CPS1: variants seen among roughly 807,000 people sequenced by gnomAD.
CPS1 encodes carbamoyl-phosphate synthase [ammonia], mitochondrial.
A neutral mutation model predicts 174.6 loss-of-function variants in CPS1; 109 were observed. The observed-to-expected ratio is 0.62, with a 90% CI of 0.53 to 0.73. The LOEUF (loss-of-function observed/expected upper bound fraction) is 0.73, where lower values mean the gene tolerates loss of function less well. Ranked by LOEUF, CPS1 falls within the 30% of genes least tolerant of loss-of-function variation. The pLI is 0.00. For synonymous variants in CPS1, 637 were observed against 632.0 expected (o/e 1.01, Z -0.12); for missense variants, 1,689 against 1,821.9 (o/e 0.93, Z 1.33).
chr2:210,654,911 C>T (rs1429210984), intron 29 of CPS1, among the ~76,000 whole-genome samples: 2 of 152,168 alleles, frequency 1.3e-5, no homozygotes, highest in Non-Finnish European at 1.5e-5. Context: ...AACAGAATCA[C>T]ATAATCTTGA....
rs370667051 is a variant in CPS1, at chr2:210,497,493, C to T, written c.3+19727C>T. On this transcript the variant is annotated intron_variant, in intron 1 of 38. Coordinates refer to the CPS1 transcript ENST00000430249. Reference sequence around the variant, plus strand: ...GTTTGGGATACAAATGATCCCATCTCCCAGATACTAAGCATAGTACCCAAC... The same window carrying T: ...GTTTGGGATACAAATGATCCCATCTTCCAGATACTAAGCATAGTACCCAAC... Among the ~76,000 whole-genome samples, 3 of 152,132 alleles carry T rather than the reference C, an allele frequency of 2.0e-5. No individual in the cohort carries two copies. The South Asian group carries it at 6.2e-4, about 32-fold the overall frequency.
At chr2:210,658,722 C>T (rs763073118) in intron 31 of CPS1, 34 bp downstream of exon 31, 2 of 1,455,866 alleles carry the variant, frequency 1.4e-6, no homozygotes, top group South Asian at 2.3e-5. Context: ...GAGGACACCA[C>T]CACTGTGTTA....
chr2:210,584,525 G>A (rs1698041465), intron 6 of CPS1, among the ~76,000 whole-genome samples: 2 of 151,882 alleles, frequency 1.3e-5, no homozygotes, highest in South Asian at 4.2e-4. Context: ...ACACTTTTTT[G>A]CCCATGATAT....
intron 1 of CPS1, among the ~76,000 whole-genome samples, chr2:210,491,310 T>C (rs1478550035): frequency 7.3e-4 from 13 of 17,788 alleles, no homozygotes; most frequent in Non-Finnish European, 4.0e-3. Context: ...TATCTGTGTT[T>C]TTTTTTTTTT....
intron 1 of CPS1, among the ~76,000 whole-genome samples, chr2:210,545,159 G>T (rs1479826231): frequency 6.6e-6 from 1 of 152,072 alleles, no homozygotes; most frequent in Non-Finnish European, 1.5e-5. Context: ...ACAAGGCTTT[G>T]TTGACTTGGG....
At chr2:210,484,042 A>G (rs761131459) in intron 1 of CPS1, among the ~76,000 whole-genome samples, 120 of 152,196 alleles carry the variant, frequency 7.9e-4, no homozygotes, top group South Asian at 4.1e-4. Context: ...TGAATAAGCA[A>G]ACAAATGACT....
chr2:210,625,979 C>T (rs573291662), intron 21 of CPS1, among the ~76,000 whole-genome samples: 46 of 152,238 alleles, frequency 3.0e-4, no homozygotes, highest in Admixed American at 2.7e-3. Context: ...GTTGACGCCA[C>T]ACAGTCTTAC....
intron 21 of CPS1, 28 bp downstream of exon 21, chr2:210,616,569 C>A: frequency 7.8e-7 from 1 of 1,279,788 alleles, no homozygotes; most frequent in Non-Finnish European, 1.1e-6. Flanking sequence ...TCATTCATGC[C>A]AGACACCTTC....
rs2105907790 is a variant in CPS1 at position 210,647,860 on chromosome 2, C to T, written c.3142-3C>T. On this transcript the variant is annotated splice_region_variant and splice_polypyrimidine_tract_variant and intron_variant, in intron 25 of 37. Coordinates refer to ENST00000233072, the MANE Select transcript of CPS1 (RefSeq NM_001875.5). ...TGGCTGATATTGTGAGTGTATTTTC[C>T]AGGCATGTGGTGGCTGCATCATATC... 1 of 1,613,812 alleles carries T rather than the reference C, an allele frequency of 6.2e-7. No individual in the cohort carries two copies. Among genetic ancestry groups the T allele is most frequent in the Non-Finnish European group, 8.5e-7 (1 of 1,179,832 alleles).
At chr2:210,577,658 G>A (rs1295247808) in intron 4 of CPS1, 148 bp downstream of exon 4, 2 of 733,360 alleles carry the variant, frequency 2.7e-6, no homozygotes, top group East Asian at 5.2e-5. Context: ...CTACATAAAG[G>A]CTGAAATGTC....
chr2:210,572,386 T>A (rs189482846), intron 1 of CPS1, among the ~76,000 whole-genome samples: 5 of 152,180 alleles, frequency 3.3e-5, no homozygotes, highest in Non-Finnish European at 2.9e-5. Context: ...ATAGAGTTTC[T>A]TAGAGAATCT....
In CPS1 at chr2:210,481,784, T is replaced by C. The variant is rs535946049; in HGVS notation, c.3+4018T>C. 3.9e-5 allele frequency among the ~76,000 whole-genome samples: 6 copies of C among 152,388 alleles called. No individual in the cohort carries two copies. In the East Asian group the frequency reaches 1.2e-3, roughly 29 times the overall value. ...TAGGTGAGTAACTGTAAGTAGAATG[T>C]AGTTCATAAGAAGTGGAGAAGCTGC... On this transcript the variant is annotated intron_variant, in intron 1 of 38. Coordinates refer to the CPS1 transcript ENST00000430249.
chr2:210,604,381 CT>C (rs1204185708), intron 16 of CPS1, among the ~76,000 whole-genome samples: 3 of 151,878 alleles, frequency 2.0e-5, no homozygotes, highest in African/African-American at 7.2e-5. Context: ...TTATCAGCCA[CT>C]GCATGTCCTA....
chr2:210,642,540 C>T lies in CPS1; in HGVS notation c.3016C>T (p.Leu1006Phe). The change falls in exon 25 of 38, where the codon CTT becomes TTT. Residue 1006 changes from leucine (L) to phenylalanine (F), a missense_variant. Physicochemically the swap from Leu to Phe is conservative, Grantham distance 22. Coordinates refer to ENST00000233072, the MANE Select transcript of CPS1 (RefSeq NM_001875.5). Reference sequence around the variant, plus strand: ...CTCTAGTATCCGCACACTGCGTCAACTTGGCAAGAAGACGGTGGTGGTGAA... The same window carrying T: ...CTCTAGTATCCGCACACTGCGTCAATTTGGCAAGAAGACGGTGGTGGTGAA... Reference protein sequence around the residue: ...AVSSIRTLRQLGKKTVVVNCN... With the variant: ...AVSSIRTLRQFGKKTVVVNCN... 2 of 1,614,038 alleles carry T rather than the reference C, an allele frequency of 1.2e-6. No homozygotes were observed. Among genetic ancestry groups the T allele is most frequent in the Non-Finnish European group, 1.7e-6 (2 of 1,179,928 alleles).
intron 21 of CPS1, among the ~76,000 whole-genome samples, chr2:210,635,544 G>A (rs1700017881): frequency 6.6e-6 from 1 of 152,182 alleles, no homozygotes; most frequent in Admixed American, 6.6e-5. Context: ...TTTGGTGACT[G>A]TAGCTCTAAA....
chr2:210,510,572 G>T (rs1432473819), intron 1 of CPS1, among the ~76,000 whole-genome samples: 4 of 152,146 alleles, frequency 2.6e-5, no homozygotes, highest in Admixed American at 6.5e-5. Flanking sequence ...CACAGCAAAA[G>T]AAACTATCAT....
At chr2:210,608,592 G>T in intron 19 of CPS1, 33 bp downstream of exon 19, 1 of 1,600,208 alleles carries the variant, frequency 6.2e-7, no homozygotes, top group Non-Finnish European at 8.6e-7. Context: ...TTTTCTTCTT[G>T]TTCTCAGTTA....
intron 21 of CPS1, among the ~76,000 whole-genome samples, chr2:210,631,759 G>A (rs1027968584): frequency 6.6e-6 from 1 of 152,076 alleles, no homozygotes; most frequent in Non-Finnish European, 1.5e-5. Flanking sequence ...AAACTGGCAC[G>A]GGAAAGAATA....
In CPS1 at chr2:210,668,228, G is replaced by A. The variant is rs1701169066; in HGVS notation, c.4045G>A (p.Ala1349Thr). ...AGGTATTCATACAGCCTTCCTAAAG[G>A]CAATGCTTTCCACAGGATTTAAGAT... ...GEGIHTAFLK[A>T]MLSTGFKIPQ... is the part of the protein sequence containing the mutation. Residue 1349 changes from alanine (A) to threonine (T), a missense_variant, in exon 34 of 38, where the codon GCA becomes ACA. Ala to Thr is a moderately conservative substitution (Grantham distance 58). Coordinates refer to ENST00000233072, the MANE Select transcript of CPS1 (RefSeq NM_001875.5). 1 of 1,613,718 alleles carries A rather than the reference G, an allele frequency of 6.2e-7. No individual in the cohort carries two copies. Among genetic ancestry groups the A allele is most frequent in the Non-Finnish European group, 8.5e-7 (1 of 1,179,930 alleles).
Sources: allele counts gnomAD v4.1 joint callset (sites outside exome capture counted in the v4.1 genomes callset), GRCh38; gene constraint gnomAD v4.1.1; transcripts MANE v1.5; gene names NCBI Gene and HGNC (gene_info 2026-07-23, HGNC 2026-07-21).